ARHGEF18: variants seen among roughly 807,000 people sequenced by gnomAD.
ARHGEF18 encodes the protein Rho/Rac guanine nucleotide exchange factor 18, also known as rho guanine nucleotide exchange factor 18.
ARHGEF18 carries 93 observed loss-of-function variants against 155.7 expected under a neutral mutation model. The observed-to-expected ratio is 0.60, with a 90% CI of 0.50 to 0.71. ARHGEF18 has a LOEUF of 0.71. Among genes scored for constraint, ARHGEF18 ranks in the 30% least tolerant of loss-of-function variants. The probability of loss-of-function intolerance (pLI) is 0.00; values close to 1 mark genes in which losing one functional copy is unlikely to be tolerated. For missense variants in ARHGEF18, 1,593 were observed against 1,816.1 expected (o/e 0.88, Z 2.23); for synonymous variants, 742 against 753.1 (o/e 0.99, Z 0.24).
intron 8 of ARHGEF18, among the ~76,000 whole-genome samples, chr19:7,382,098 T>C (rs191306608): frequency 4.6e-5 from 7 of 151,850 alleles, no homozygotes; most frequent in South Asian, 2.1e-4. Flanking sequence ...GGGGAGGAGA[T>C]AGAAGAATGA....
chr19:7,466,815 A>T (rs1976639270), intron 23 of ARHGEF18, 103 bp from the exon 24 acceptor site: 1 of 1,094,460 alleles, frequency 9.1e-7, no homozygotes, highest in African/African-American at 1.8e-5. Context: ...AAAAAAAAAA[A>T]AAAAAAAAAA....
intron 18 of ARHGEF18, among the ~76,000 whole-genome samples, chr19:7,458,297 TAA>T (rs35712455): frequency 0.02 from 1,875 of 92,348 alleles, 31 homozygotes; most frequent in African/African-American, 0.05. Context: ...CAAGATAGTT[TAA>T]AAAAAAAAAA....
chr19:7,386,483 G>T (rs547921956), intron 10 of ARHGEF18, among the ~76,000 whole-genome samples: 1 of 152,090 alleles, frequency 6.6e-6, no homozygotes, highest in Admixed American at 6.6e-5. Flanking sequence ...CCCCAGGTGA[G>T]GACCACGGCT....
chr19:7,397,807 G>C (rs371328463), intron 10 of ARHGEF18, among the ~76,000 whole-genome samples: 2 of 151,758 alleles, frequency 1.3e-5, no homozygotes, highest in Non-Finnish European at 2.9e-5. Flanking sequence ...GGACTCAAGC[G>C]ATCCTCCCAC....
At chr19:7,453,174 G>A (rs1975596870) in intron 16 of ARHGEF18, among the ~76,000 whole-genome samples, 1 of 152,042 alleles carries the variant, frequency 6.6e-6, no homozygotes, top group South Asian at 2.1e-4. Context: ...TCTAGCCTGG[G>A]TGACAGAGCC....
chr19:7,388,459 C>G (rs1451003736), intron 10 of ARHGEF18, among the ~76,000 whole-genome samples: 4 of 152,102 alleles, frequency 2.6e-5, no homozygotes, highest in African/African-American at 9.7e-5. Context: ...CACTTTCTCT[C>G]TTTCACAGAT....
chr19:7,440,026 G>A lies in ARHGEF18; in HGVS notation c.968-318G>A, dbSNP rs761132000. On this transcript the variant is annotated intron_variant, in intron 10 of 28. Coordinates refer to ENST00000668164, the MANE Select transcript of ARHGEF18 (RefSeq NM_001367823.1). This position sits in a 1 kb window ranked among gnomAD's most constrained non-coding sequence, Gnocchi z 5.4. ...AGGGAAGACGCAGCTCTGTTTTCTAGAAGGATCCCACCGAGGCATAAAAAC... is the reference window on the plus strand; with the variant it reads ...AGGGAAGACGCAGCTCTGTTTTCTAAAAGGATCCCACCGAGGCATAAAAAC... 12 of 1,550,656 alleles carry A rather than the reference G, an allele frequency of 7.7e-6. No homozygotes were observed. The East Asian group carries it at 1.2e-4, about 16-fold the overall frequency.
intron 2 of ARHGEF18, 146 bp from the exon 3 acceptor site, chr19:7,372,666 G>A (rs1425128771): frequency 1.2e-6 from 1 of 800,668 alleles, no homozygotes; most frequent in Non-Finnish European, 1.7e-6. Context: ...CACCCGCTGT[G>A]AGGAGGGCGC....
chr19:7,451,404 C>CA, intron 16 of ARHGEF18, 138 bp downstream of exon 16: 5 of 377,176 alleles, frequency 1.3e-5, no homozygotes, highest in East Asian at 5.4e-5. Context: ...GGGTTCCTTC[C>CA]TTTTTTTTTT....
At position 7,413,768 on chromosome 19, in the gene ARHGEF18, A is replaced by G. The variant is rs376789350; in HGVS notation, c.968-26576A>G. ...GTCTCCAAAAAATAAACAAACAAACAAGATGGTCGTGAGGTAATCATCTTT... is the reference window on the plus strand; with the variant it reads ...GTCTCCAAAAAATAAACAAACAAACGAGATGGTCGTGAGGTAATCATCTTT... On this transcript the variant is annotated intron_variant, in intron 10 of 28. Coordinates refer to ENST00000668164, the MANE Select transcript of ARHGEF18 (RefSeq NM_001367823.1). 9.2e-5 allele frequency among the ~76,000 whole-genome samples: 14 copies of G among 152,124 alleles called. No individual in the cohort carries two copies. The East Asian group carries it at 9.7e-4, about 10-fold the overall frequency.
In ARHGEF18 at chr19:7,469,900, C is replaced by G; in HGVS notation, c.3788-4C>G. 5 of 1,612,660 alleles carry G rather than the reference C, an allele frequency of 3.1e-6. No individual in the cohort carries two copies. Among genetic ancestry groups the G allele is most frequent in the Non-Finnish European group, 4.2e-6 (5 of 1,179,730 alleles). ...AGCTGGCCCAAATACCTTCTCTCTT[C>G]CAGCGTCCTTCGACCTGAAGCAGCA... is the stretch of plus-strand genomic sequence containing the variant. On this transcript the variant is annotated splice_polypyrimidine_tract_variant and splice_region_variant and intron_variant, in intron 27 of 28. Coordinates refer to ENST00000668164, the MANE Select transcript of ARHGEF18 (RefSeq NM_001367823.1).
chr19:7,456,466 C>T, intron 18 of ARHGEF18, 63 bp downstream of exon 18: 7 of 1,515,568 alleles, frequency 4.6e-6, no homozygotes, highest in Non-Finnish European at 6.4e-6. Flanking sequence ...TCTATAATCC[C>T]AGCACTTTGG....
chr19:7,404,619 C>T (rs1972201076), intron 10 of ARHGEF18, among the ~76,000 whole-genome samples: 1 of 151,922 alleles, frequency 6.6e-6, no homozygotes, highest in African/African-American at 2.4e-5. Context: ...ACCACCACAC[C>T]CGGCTAATTT....
At chr19:7,357,863 T>C (rs1046561816) in intron 1 of ARHGEF18, among the ~76,000 whole-genome samples, 1 of 152,104 alleles carries the variant, frequency 6.6e-6, no homozygotes. Context: ...CTGCTCATGC[T>C]TTTTCATTCA....
chr19:7,432,642 T>C (rs2878333), intron 10 of ARHGEF18, among the ~76,000 whole-genome samples: 57,837 of 151,966 alleles, frequency 0.38, 11,521 homozygotes, highest in East Asian at 0.6. Context: ...CTCCCAGCCC[T>C]GTTTGTTTCT....
At chr19:7,452,987 G>C (rs1158197360) in intron 16 of ARHGEF18, among the ~76,000 whole-genome samples, 3 of 151,820 alleles carry the variant, frequency 2.0e-5, no homozygotes, top group African/African-American at 7.2e-5. Context: ...CTTGAAGTCA[G>C]GAGTTTGAGA....
rs549224156 is a variant in ARHGEF18 at position 7,468,166 on chromosome 19, A to G, written c.3480+482A>G. Among the ~76,000 whole-genome samples the G allele has an allele frequency of 1.6e-3, 233 of 150,224 alleles. 1 individual carries two copies. The highest frequency in any genetic ancestry group is 3.1e-3 in the Admixed American group (47 of 14,942). On this transcript the variant is annotated intron_variant, in intron 26 of 28. Coordinates refer to ENST00000668164, the MANE Select transcript of ARHGEF18 (RefSeq NM_001367823.1). ...CCATGAGCCGTGATCACGCCACTGC[A>G]CTCCAGCCTGGGCAACAGAGTGAGA...
In ARHGEF18 at chr19:7,467,806, G is replaced by A. The variant is rs190010272; in HGVS notation, c.3480+122G>A. The A allele has an allele frequency of 3.6e-5, 36 of 987,126 alleles. 1 individual carries two copies. The Middle Eastern group carries it at 1.4e-3, about 38-fold the overall frequency. The allele number at this position is 987,126 out of a possible 1,614,324, so 61.1% of individuals were successfully genotyped here. ...GCGTGCAGGAGTGTAAGAGCAAACGGCACAAGATACCCTTGCATTAACAGC... is the reference window on the plus strand; with the variant it reads ...GCGTGCAGGAGTGTAAGAGCAAACGACACAAGATACCCTTGCATTAACAGC... On this transcript the variant is annotated intron_variant, in intron 26 of 28. Coordinates refer to ENST00000668164, the MANE Select transcript of ARHGEF18 (RefSeq NM_001367823.1).
At chr19:7,387,854 G>A (rs1013169366) in intron 10 of ARHGEF18, among the ~76,000 whole-genome samples, 4 of 151,816 alleles carry the variant, frequency 2.6e-5, no homozygotes, top group Non-Finnish European at 5.9e-5. Flanking sequence ...TAGTAGAGAC[G>A]GGGTTTCACC....
Sources: gnomAD v4.1 joint callset for allele counts (sites outside exome capture counted in the v4.1 genomes callset) on GRCh38, gnomAD v4.1.1 for gene constraint, Gnocchi (gnomAD v3.1) non-coding constraint, MANE v1.5 for transcripts, NCBI Gene and HGNC (gene_info 2026-07-23, HGNC 2026-07-21) for gene names.